The following PCDHGA6 variants were observed in gnomAD, a reference collection of about 807,000 sequenced individuals.
PCDHGA6 encodes the protein protocadherin gamma subfamily A, 6.
A neutral mutation model predicts 60.6 loss-of-function variants in PCDHGA6; 41 were observed. The ratio of observed to expected loss-of-function variants is 0.68; its 90% CI spans 0.53 to 0.88. The LOEUF is 0.88. PCDHGA6 is among the 40% of genes least tolerant of loss of function. The pLI, the probability that PCDHGA6 is intolerant of heterozygous loss-of-function variation, is 0.00. For synonymous variants in PCDHGA6, 594 were observed against 524.4 expected, an observed-to-expected ratio of 1.13 and a Z score of -1.81; for missense variants, 1,312 against 1,203.0, an observed-to-expected ratio of 1.09 and a Z score of -1.34.
intron 2 of PCDHGA6, 114 bp from the exon 3 acceptor site, chr5:141,505,279 C>A (rs780513022): frequency 1.3e-6 from 2 of 1,541,274 alleles, no homozygotes; most frequent in Non-Finnish European, 1.7e-6. Flanking sequence ...AGAAACAGGT[C>A]TTGGGCATGG....
chr5:141,402,944 G>A (rs1487270083), intron 1 of PCDHGA6: 2 of 1,592,136 alleles, frequency 1.3e-6, no homozygotes, highest in Non-Finnish European at 1.7e-6. Context: ...ATTCCAAAGC[G>A]AGGCAGCAAT....
Position 141,491,248 on chromosome 5 carries a change from G to T in PCDHGA6, c.2425-3559G>T, listed in dbSNP as rs757712577. On this transcript the variant is annotated intron_variant, in intron 1 of 3. Transcript: ENST00000517434. The surrounding 1 kb of genome is among the most constrained non-coding windows in gnomAD (Gnocchi z 6.9). ...AGTGCTGCTGGTTCTGGAGGATGAG[G>T]ACCCTGAGGAAATGCCCAAATCCAG... 3 of 1,614,170 alleles carry T rather than the reference G, an allele frequency of 1.9e-6. No individual in the cohort carries two copies. Among genetic ancestry groups the T allele is most frequent in the Non-Finnish European group, 2.5e-6 (3 of 1,180,018 alleles).
At chr5:141,434,035 T>C (rs2154556047) in intron 1 of PCDHGA6, among the ~76,000 whole-genome samples, 1 of 152,316 alleles carries the variant, frequency 6.6e-6, no homozygotes, top group Non-Finnish European at 1.5e-5. Flanking sequence ...AAGCATGGTT[T>C]TCTATTTTAT....
chr5:141,419,358 C>A (rs569760413), intron 1 of PCDHGA6: 1 of 1,613,810 alleles, frequency 6.2e-7, no homozygotes, highest in South Asian at 1.1e-5. Flanking sequence ...GAGTCACGAA[C>A]GCTGTCGTCC....
At chr5:141,492,163 C>T (rs921256341) in intron 1 of PCDHGA6, among the ~76,000 whole-genome samples, 22 of 152,232 alleles carry the variant, frequency 1.4e-4, no homozygotes, top group African/African-American at 5.3e-4. Context: ...CCTCCCTATC[C>T]CCGCATCACC....
At chr5:141,422,592 C>T (rs2096658264) in intron 1 of PCDHGA6, 1 of 1,614,090 alleles carries the variant, frequency 6.2e-7, no homozygotes. Flanking sequence ...TTTTTCCTCA[C>T]TCCTCTTACT....
intron 1 of PCDHGA6, chr5:141,399,959 G>T (rs1257286209): frequency 6.2e-7 from 1 of 1,612,230 alleles, no homozygotes; most frequent in East Asian, 2.2e-5. Context: ...AGCGAGCCCG[G>T]GCTCTTCAGC....
Position 141,388,565 on chromosome 5 carries a change from G to C in PCDHGA6, c.2424+12058G>C, listed in dbSNP as rs149167054. ...CTCCACCCCTAAGCAGCACTGCACAGATACACGTTCTAGTGACTGATGCCA... is the reference window on the plus strand; with the variant it reads ...CTCCACCCCTAAGCAGCACTGCACACATACACGTTCTAGTGACTGATGCCA... On this transcript the variant is annotated intron_variant, in intron 1 of 3. Transcript: ENST00000517434. The C allele has an allele frequency of 1.1e-3, 1,717 of 1,613,854 alleles. 24 individuals carry two copies. The highest frequency in any genetic ancestry group is 4.6e-4 in the Non-Finnish European group (537 of 1,179,878).
At position 141,477,213 on chromosome 5, in the gene PCDHGA6, C is replaced by G; in HGVS notation, c.2425-17594C>G. ...TACAGCCCAGTACCCGAGGATGCCC[C>G]TCTGGGGACTGTCATCGCTTTGCTC... is the stretch of plus-strand genomic sequence containing the variant. On this transcript the variant is annotated intron_variant, in intron 1 of 3. Coordinates refer to ENST00000517434, the MANE Select transcript of PCDHGA6 (RefSeq NM_018919.3). The surrounding 1 kb of genome is among the most constrained non-coding windows in gnomAD (Gnocchi z 4.9). 6.2e-7 allele frequency: 1 copy of G among 1,614,184 alleles called. No individual in the cohort carries two copies.
chr5:141,423,405 G>T (rs1444037259), intron 1 of PCDHGA6: 1 of 1,614,154 alleles, frequency 6.2e-7, no homozygotes, highest in African/African-American at 1.3e-5. Context: ...CACGCCTGCT[G>T]CAGGCTTCTG....
At chr5:141,496,581 C>T (rs868326584) in intron 2 of PCDHGA6, among the ~76,000 whole-genome samples, 9 of 152,134 alleles carry the variant, frequency 5.9e-5, no homozygotes, top group African/African-American at 1.9e-4. Flanking sequence ...ATTTTAGGAA[C>T]GCAAAGCGCT....
intron 1 of PCDHGA6, chr5:141,400,304 G>A (rs760976345): frequency 4.3e-6 from 7 of 1,613,930 alleles, no homozygotes; most frequent in African/African-American, 1.3e-5. Context: ...TTCCAACCTG[G>A]TCTCTGTGTC....
intron 1 of PCDHGA6, chr5:141,421,546 A>C: frequency 6.2e-7 from 1 of 1,614,014 alleles, no homozygotes; most frequent in Non-Finnish European, 8.5e-7. Context: ...TTTTTTAAAT[A>C]TGGAACTTCT....
chr5:141,437,000 G>A (rs1197061999), intron 1 of PCDHGA6, among the ~76,000 whole-genome samples: 1 of 152,198 alleles, frequency 6.6e-6, no homozygotes, highest in Non-Finnish European at 1.5e-5. Flanking sequence ...TTACTTCAAT[G>A]GGATCTTAGA....
At chr5:141,424,198 C>A (rs116187844) in intron 1 of PCDHGA6, 2 of 181,904 alleles carry the variant, frequency 1.1e-5, no homozygotes, top group South Asian at 1.9e-4. Context: ...CACTTATACA[C>A]GTAAGCTTTT....
chr5:141,511,462 C>T lies in PCDHGA6; in HGVS notation c.*289C>T, dbSNP rs1385398410. On this transcript the variant is annotated 3_prime_UTR_variant, in exon 4 of 4. Transcript: ENST00000517434. Reference sequence around the variant, plus strand: ...AGACACCAAGAACCATTTGCCACACCCCGTTTAGTTACAGCTGAACTCCTC... The same window carrying T: ...AGACACCAAGAACCATTTGCCACACTCCGTTTAGTTACAGCTGAACTCCTC... 5.4e-6 allele frequency: 3 copies of T among 556,350 alleles called. No individual in the cohort carries two copies. In the South Asian group the frequency reaches 6.3e-5, roughly 12 times the overall value. 34.5% of individuals were successfully genotyped at this position (556,350 alleles called of 1,614,324 possible).
At chr5:141,437,895 A>G (rs911855268) in intron 1 of PCDHGA6, among the ~76,000 whole-genome samples, 23 of 151,954 alleles carry the variant, frequency 1.5e-4, no homozygotes, top group African/African-American at 4.8e-4. Flanking sequence ...ACGCCACCAC[A>G]CCCAGCTAAT....
chr5:141,438,591 CATATATATATAT>C lies in PCDHGA6; in HGVS notation c.2425-56182_2425-56171del, dbSNP rs946798767. ...TCTGATATACATACATACATACATACATATATATATATATATATATATATATATATATATATA... is the reference window on the plus strand; with the variant it reads ...TCTGATATACATACATACATACATACATATATATATATATATATATATATA... On this transcript the variant is annotated intron_variant, in intron 1 of 3. Coordinates refer to ENST00000517434, the MANE Select transcript of PCDHGA6 (RefSeq NM_018919.3). Among the ~76,000 whole-genome samples the C allele has an allele frequency of 1.5e-4, 11 of 75,568 alleles. No homozygotes were observed. The East Asian group carries it at 2.8e-3, about 19-fold the overall frequency. The allele number at this position is 75,568 out of a possible 152,430, so 49.6% of individuals were successfully genotyped here.
chr5:141,390,246 C>T (rs1401463493), intron 1 of PCDHGA6: 5 of 1,613,922 alleles, frequency 3.1e-6, no homozygotes, highest in African/African-American at 1.3e-5. Context: ...GGCCTTATTT[C>T]CACTTTGTAA....
Sources: gnomAD v4.1 joint callset for allele counts (sites outside exome capture counted in the v4.1 genomes callset) on GRCh38, gnomAD v4.1.1 for gene constraint, Gnocchi (gnomAD v3.1) non-coding constraint, MANE v1.5 for transcripts, NCBI Gene and HGNC (gene_info 2026-07-23, HGNC 2026-07-21) for gene names.